AGBL1: variants seen among roughly 807,000 people sequenced by gnomAD.
AGBL1 encodes the protein cytosolic carboxypeptidase 4.
In AGBL1, 130 loss-of-function variants were observed where a neutral mutation model predicts 118.9. The observed-to-expected ratio is 1.09, with a 90% CI of 0.95 to 1.26. The LOEUF (loss-of-function observed/expected upper bound fraction) is 1.26. AGBL1 is among the 50% of genes most tolerant of loss of function. The pLI, the probability that AGBL1 is intolerant of heterozygous loss-of-function variation, is 0.00. For missense variants in AGBL1, 1,584 were observed against 1,298.1 expected, an observed-to-expected ratio of 1.22 and a Z score of -3.38; for synonymous variants, 555 against 478.9, an observed-to-expected ratio of 1.16 and a Z score of -2.08.
intron 5 of AGBL1, among the ~76,000 whole-genome samples, chr15:86,208,428 T>C (rs1337089542): frequency 1.3e-5 from 2 of 152,196 alleles, no homozygotes; most frequent in South Asian, 4.1e-4. Context: ...TGGTAGAATT[T>C]GGCTGTGAAT....
intron 24 of AGBL1, among the ~76,000 whole-genome samples, chr15:87,005,927 C>G (rs192050623): frequency 2.0e-5 from 3 of 152,228 alleles, no homozygotes; most frequent in African/African-American, 7.2e-5. Context: ...GGACCCTCAG[C>G]TGCAGGTCTG....
intron 22 of AGBL1, among the ~76,000 whole-genome samples, chr15:86,897,720 T>G (rs1330551150): frequency 6.6e-6 from 1 of 151,486 alleles, no homozygotes; most frequent in African/African-American, 2.4e-5. Context: ...TTAATCACCT[T>G]TTTTTTTCTT....
chr15:86,484,026 C>G (rs2082684413), intron 18 of AGBL1, among the ~76,000 whole-genome samples: 1 of 152,094 alleles, frequency 6.6e-6, no homozygotes, highest in Non-Finnish European at 1.5e-5. Context: ...AGACCTGCTG[C>G]TTTAGTGCTG....
intron 22 of AGBL1, among the ~76,000 whole-genome samples, chr15:86,866,454 A>G (rs987096794): frequency 1.3e-5 from 2 of 152,210 alleles, no homozygotes; most frequent in African/African-American, 2.4e-5. Context: ...GGTTAATACA[A>G]CAGTCATCTA....
At chr15:86,185,559 C>T (rs1025147545) in intron 5 of AGBL1, among the ~76,000 whole-genome samples, 3 of 152,084 alleles carry the variant, frequency 2.0e-5, no homozygotes, top group Non-Finnish European at 2.9e-5. Context: ...ATATATACCA[C>T]GGAATACTAT....
At chr15:86,575,043 G>A (rs935163696) in intron 21 of AGBL1, among the ~76,000 whole-genome samples, 14 of 151,958 alleles carry the variant, frequency 9.2e-5, no homozygotes, top group African/African-American at 3.4e-4. Context: ...ACAAAAATTA[G>A]CTGGGCATGG....
chr15:86,445,920 T>C (rs927248798), intron 18 of AGBL1, among the ~76,000 whole-genome samples: 2 of 152,192 alleles, frequency 1.3e-5, no homozygotes, highest in African/African-American at 4.8e-5. Flanking sequence ...ATTGGGGCTG[T>C]TGTGTGATAA....
intron 5 of AGBL1, among the ~76,000 whole-genome samples, chr15:86,164,741 A>G (rs1044366880): frequency 1.3e-5 from 2 of 152,158 alleles, no homozygotes; most frequent in Non-Finnish European, 2.9e-5. Flanking sequence ...ATCATAGCCA[A>G]TTGGAAATGG....
At chr15:86,916,991 A>C (rs150112233), downstream of AGBL1, among the ~76,000 whole-genome samples, 2 of 152,358 alleles carry the variant, frequency 1.3e-5, no homozygotes, top group South Asian at 4.1e-4. Context: ...ATGACAACAT[A>C]AACAGGAAGA....
intron 23 of AGBL1, among the ~76,000 whole-genome samples, chr15:86,923,115 G>A (rs1227744462): frequency 6.6e-6 from 1 of 152,190 alleles, no homozygotes; most frequent in East Asian, 1.9e-4. Context: ...CACTAATGTG[G>A]TGATGTGTCT....
intron 18 of AGBL1, among the ~76,000 whole-genome samples, chr15:86,488,036 C>T (rs2082733986): frequency 6.6e-6 from 1 of 152,020 alleles, no homozygotes; most frequent in South Asian, 2.1e-4. Context: ...TTAACTCATC[C>T]TGAACTTTTC....
chr15:86,934,389 A>T (rs1190462926), intron 23 of AGBL1, among the ~76,000 whole-genome samples: 1 of 152,188 alleles, frequency 6.6e-6, no homozygotes, highest in Non-Finnish European at 1.5e-5. Context: ...ATCCATTTAG[A>T]ACAATAGACC....
chr15:86,915,146 A>C lies in AGBL1; in HGVS notation c.*7852A>C, dbSNP rs926124697. The C allele has an allele frequency of 6.6e-6, 1 of 152,208 alleles. No homozygotes were observed. The highest frequency in any genetic ancestry group is 2.4e-5 in the African/African-American group (1 of 41,450). The allele number at this position is 152,208 out of a possible 1,614,324, so 9.4% of individuals were successfully genotyped here. A position where few individuals can be genotyped will look rare whatever the true frequency, so the allele number is the denominator to read the frequency against. ...GCTTTGGTTGGAGTCCAAAGCTAAG[A>C]ATCAGACTCGGTAACACTGTTCTCA... On this transcript the variant is annotated 3_prime_UTR_variant, in exon 23 of 23. Transcript: ENST00000614907.
At chr15:86,110,528 G>GGGTT (rs1271508439) in intron 1 of AGBL1, among the ~76,000 whole-genome samples, 2 of 152,088 alleles carry the variant, frequency 1.3e-5, no homozygotes, top group African/African-American at 4.8e-5. Flanking sequence ...GGAAGAGGCG[G>GGGTT]GGTTGGTCTT....
intron 19 of AGBL1, among the ~76,000 whole-genome samples, chr15:86,544,271 T>C (rs1364390687): frequency 6.6e-6 from 1 of 152,182 alleles, no homozygotes; most frequent in African/African-American, 2.4e-5. Flanking sequence ...CGGGATGACT[T>C]TGCAGAGAGT....
At chr15:86,858,084 G>C (rs2079508390) in intron 22 of AGBL1, among the ~76,000 whole-genome samples, 1 of 152,028 alleles carries the variant, frequency 6.6e-6, no homozygotes, top group South Asian at 2.1e-4. Context: ...AAGCTCCCCT[G>C]ATACCACTTT....
chr15:86,135,094 G>A (rs908510489), intron 1 of AGBL1, among the ~76,000 whole-genome samples: 5 of 152,146 alleles, frequency 3.3e-5, no homozygotes, highest in Non-Finnish European at 5.9e-5. Context: ...TGTTTGGATC[G>A]TAGGGGCAGA....
chr15:86,905,716 G>T (rs1359537212), intron 22 of AGBL1, among the ~76,000 whole-genome samples: 1 of 152,054 alleles, frequency 6.6e-6, no homozygotes, highest in East Asian at 1.9e-4. Context: ...TTAAATACAG[G>T]CTTTTGACAT....
Position 86,250,249 on chromosome 15 carries a change from G to A in AGBL1, c.735+2370G>A, listed in dbSNP as rs149421481. Among the ~76,000 whole-genome samples the A allele has an allele frequency of 4.0e-3, 607 of 152,138 alleles. 2 individuals are homozygous for A. The highest frequency in any genetic ancestry group is 0.014 in the African/African-American group (566 of 41,486). Reference sequence around the variant, plus strand: ...TTTTAAATAGTGTGCTCTTGGCCGGGAGTGGTGGCTCATGCCTGTAATCCC... The same window carrying A: ...TTTTAAATAGTGTGCTCTTGGCCGGAAGTGGTGGCTCATGCCTGTAATCCC... On this transcript the variant is annotated intron_variant, in intron 7 of 22. Transcript: ENST00000614907.
Sources: gnomAD v4.1 joint callset for allele counts (sites outside exome capture counted in the v4.1 genomes callset) on GRCh38, gnomAD v4.1.1 for gene constraint, MANE v1.5 for transcripts, NCBI Gene and HGNC (gene_info 2026-07-23, HGNC 2026-07-21) for gene names.